Variants in RIC1 observed in about 807,000 individuals in gnomAD.
The protein encoded by RIC1 is guanine nucleotide exchange factor subunit RIC1.
A neutral mutation model predicts 169.0 loss-of-function variants in RIC1; 88 were observed. The ratio of observed to expected loss-of-function variants is 0.52; its 90% CI spans 0.44 to 0.62. RIC1 has a LOEUF of 0.62. RIC1 is among the 20% of genes least tolerant of loss of function. The pLI is 0.00. For synonymous variants in RIC1, 790 were observed against 601.5 expected, an observed-to-expected ratio of 1.31 and a Z score of -4.59; for missense variants, 1,877 against 1,725.5, an observed-to-expected ratio of 1.09 and a Z score of -1.56.
chr9:5,645,425 T>C (rs1818455953), intron 1 of RIC1, among the ~76,000 whole-genome samples: 2 of 152,240 alleles, frequency 1.3e-5, no homozygotes, highest in South Asian at 4.1e-4. Flanking sequence ...AGCAGATATA[T>C]ACTTCGCAAA....
chr9:5,644,728 C>T (rs1818417924), intron 1 of RIC1, among the ~76,000 whole-genome samples: 1 of 152,132 alleles, frequency 6.6e-6, no homozygotes, highest in African/African-American at 2.4e-5. Context: ...CTGCTGTAAA[C>T]ATTTGTATAC....
At chr9:5,710,583 A>G (rs1305080342) in intron 3 of RIC1, among the ~76,000 whole-genome samples, 2 of 152,220 alleles carry the variant, frequency 1.3e-5, no homozygotes, top group Admixed American at 6.5e-5. Context: ...GTTAACCTCT[A>G]AAATAAGAAC....
intron 2 of RIC1, among the ~76,000 whole-genome samples, chr9:5,682,830 T>G (rs1030432518): frequency 3.9e-5 from 6 of 152,260 alleles, no homozygotes; most frequent in Admixed American, 2.0e-4. Context: ...TCTTTTCACA[T>G]AGTCCTATAT....
intron 3 of RIC1, among the ~76,000 whole-genome samples, chr9:5,692,642 C>G (rs1206997130): frequency 6.6e-6 from 1 of 151,942 alleles, no homozygotes; most frequent in Non-Finnish European, 1.5e-5. Context: ...TAGTGAGTTT[C>G]TTGGTTTTTC....
At chr9:5,728,311 C>G (rs754369129) in intron 6 of RIC1, among the ~76,000 whole-genome samples, 3 of 152,238 alleles carry the variant, frequency 2.0e-5, no homozygotes, top group South Asian at 4.1e-4. Context: ...TAGCAGTGAG[C>G]AAGGCTCCAT....
chr9:5,721,554 C>A (rs994040428), intron 6 of RIC1, among the ~76,000 whole-genome samples: 12 of 152,202 alleles, frequency 7.9e-5, no homozygotes, highest in African/African-American at 2.9e-4. Context: ...CAGAAAGAAT[C>A]ACTCAGGAAA....
intron 6 of RIC1, among the ~76,000 whole-genome samples, chr9:5,722,865 T>C (rs995006361): frequency 2.0e-5 from 3 of 152,234 alleles, no homozygotes; most frequent in Admixed American, 6.5e-5. Flanking sequence ...ACTTCACCCA[T>C]GTGCCTACAA....
intron 1 of RIC1, among the ~76,000 whole-genome samples, chr9:5,630,418 G>T (rs899197267): frequency 6.6e-6 from 1 of 152,218 alleles, no homozygotes; most frequent in Non-Finnish European, 1.5e-5. Context: ...TGTGGGGATA[G>T]GTTGTGATCT....
intron 8 of RIC1, among the ~76,000 whole-genome samples, chr9:5,740,328 T>C (rs939729779): frequency 7.9e-5 from 12 of 152,042 alleles, no homozygotes; most frequent in Admixed American, 7.2e-4. Flanking sequence ...TCTAATGATA[T>C]TAGGCAGCCA....
intron 17 of RIC1, among the ~76,000 whole-genome samples, chr9:5,760,731 TAG>T (rs1178515094): frequency 6.6e-6 from 1 of 152,208 alleles, no homozygotes; most frequent in South Asian, 2.1e-4. Flanking sequence ...TTTTTTTATT[TAG>T]TCATTTCTTT....
At chr9:5,668,497 A>G (rs1398747927) in intron 2 of RIC1, among the ~76,000 whole-genome samples, 1 of 152,028 alleles carries the variant, frequency 6.6e-6, no homozygotes, top group Non-Finnish European at 1.5e-5. Context: ...TCTTTCCTCC[A>G]TACTTCTATT....
At chr9:5,663,114 C>G (rs1167811518) in intron 2 of RIC1, among the ~76,000 whole-genome samples, 2 of 152,180 alleles carry the variant, frequency 1.3e-5, no homozygotes, top group Non-Finnish European at 2.9e-5. Context: ...GCAGGCTGTT[C>G]AATTTCCATG....
chr9:5,690,548 A>G (rs866884898), intron 3 of RIC1, among the ~76,000 whole-genome samples: 1 of 146,260 alleles, frequency 6.8e-6, no homozygotes, highest in South Asian at 2.2e-4. Flanking sequence ...AGAACATACA[A>G]TTGTAAAGCA....
chr9:5,776,854 C>T (rs1827616462), downstream of RIC1, among the ~76,000 whole-genome samples: 1 of 151,952 alleles, frequency 6.6e-6, no homozygotes, highest in Non-Finnish European at 1.5e-5. Context: ...CAAAATTTTA[C>T]ATGTAAGTAT....
At position 5,763,163 on chromosome 9, in the gene RIC1, A is replaced by G. The variant is rs777849861; in HGVS notation, c.2136A>G (p.Val712=). 3.7e-6 allele frequency: 6 copies of G among 1,614,112 alleles called. No individual in the cohort carries two copies. The Admixed American group carries it at 1.0e-4, about 27-fold the overall frequency. ...AGCTGCCATTCTGTCCTCCTGTTGT[A>G]CTAGCCCAGTCTGTTGAAAATGTCT... is the stretch of plus-strand genomic sequence containing the variant. ...RKLLPFCPPV[V]LAQSVENVWT... is the part of the protein sequence containing the mutation. The change falls in exon 19 of 26, where the codon GTA becomes GTG. Residue 712 remains valine (V), a synonymous_variant. Transcript: ENST00000414202. The surrounding 1 kb of genome is among the most constrained non-coding windows in gnomAD (Gnocchi z 5.2).
At chr9:5,721,565 C>T (rs986398766) in intron 6 of RIC1, among the ~76,000 whole-genome samples, 3 of 152,184 alleles carry the variant, frequency 2.0e-5, no homozygotes, top group Admixed American at 6.5e-5. Context: ...ACTCAGGAAA[C>T]GGCAAACGGG....
chr9:5,686,811 T>A (rs1476950597), intron 2 of RIC1, among the ~76,000 whole-genome samples: 1 of 152,126 alleles, frequency 6.6e-6, no homozygotes. Flanking sequence ...TGAGGGATCT[T>A]GGCCTGTAGT....
intron 3 of RIC1, among the ~76,000 whole-genome samples, chr9:5,707,371 A>G (rs1195559621): frequency 2.0e-5 from 3 of 152,086 alleles, no homozygotes; most frequent in Non-Finnish European, 2.9e-5. Context: ...TGGCATATTC[A>G]GTATGTGTCT....
At chr9:5,739,171 T>C (rs1824915279) in intron 8 of RIC1, among the ~76,000 whole-genome samples, 1 of 152,134 alleles carries the variant, frequency 6.6e-6, no homozygotes, top group Non-Finnish European at 1.5e-5. Flanking sequence ...ACTAATCCAC[T>C]CCACCTTCTG....
Sources: gnomAD v4.1 joint callset for allele counts (sites outside exome capture counted in the v4.1 genomes callset) on GRCh38, gnomAD v4.1.1 for gene constraint, Gnocchi (gnomAD v3.1) non-coding constraint, MANE v1.5 for transcripts, NCBI Gene and HGNC (gene_info 2026-07-23, HGNC 2026-07-21) for gene names.